Variants in SOAT2 observed in about 807,000 individuals in gnomAD.
SOAT2 encodes sterol O-acyltransferase 2.
SOAT2 carries 87 observed loss-of-function variants against 76.0 expected under a neutral mutation model. The observed-to-expected ratio is 1.14, with a 90% CI of 0.96 to 1.37. The LOEUF (loss-of-function observed/expected upper bound fraction) is 1.37, where lower values mean the gene tolerates loss of function less well. Among genes scored for constraint, SOAT2 ranks in the 40% most tolerant of loss-of-function variants. The pLI is 0.00. For synonymous variants in SOAT2, 285 were observed against 275.4 expected (o/e 1.03, Z -0.34); for missense variants, 686 against 682.1 (o/e 1.01, Z -0.06).
At chr12:53,103,763 T>G (rs1259999769) in intron 1 of SOAT2, 104 bp downstream of exon 1, 6 of 1,000,956 alleles carry the variant, frequency 6.0e-6, no homozygotes, top group Non-Finnish European at 8.6e-6. Context: ...CAATCCTTCC[T>G]GCTGTCCAGA....
chr12:53,111,961 A>G (rs1382135710), intron 5 of SOAT2, among the ~76,000 whole-genome samples: 1 of 152,230 alleles, frequency 6.6e-6, no homozygotes, highest in Non-Finnish European at 1.5e-5. Flanking sequence ...AGGCATGCCA[A>G]TAGAAGTACA....
chr12:53,118,470 C>CCAT, intron 8 of SOAT2, 36 bp downstream of exon 8: 1 of 1,516,398 alleles, frequency 6.6e-7, no homozygotes, highest in Non-Finnish European at 9.2e-7. Flanking sequence ...ATGCCCAGGC[C>CCAT]CATCAGGAAA....
In SOAT2 at chr12:53,124,469, A is replaced by G; in HGVS notation, c.*346A>G. 1 of 320,988 alleles carries G rather than the reference A, an allele frequency of 3.1e-6. No individual in the cohort carries two copies. Among genetic ancestry groups the G allele is most frequent in the East Asian group, 5.3e-5 (1 of 19,022 alleles). The allele number at this position is 320,988 out of a possible 1,614,324, so 19.9% of individuals were successfully genotyped here. A position where few individuals can be genotyped will look rare whatever the true frequency, so the allele number is the denominator to read the frequency against. ...GGAACTGGGGCCACCAAGGTTGGAA[A>G]AGGGTTTGGTTCTTGACTTTGTATT... On this transcript the variant is annotated 3_prime_UTR_variant, in exon 15 of 15. Transcript: ENST00000301466.
chr12:53,104,234 A>C, intron 2 of SOAT2, 28 bp downstream of exon 2: 1 of 1,571,946 alleles, frequency 6.4e-7, no homozygotes, highest in Non-Finnish European at 8.7e-7. Context: ...TCAGAGGTCA[A>C]GTGGACAGAT....
chr12:53,120,434 A>T lies in SOAT2; in HGVS notation c.1040-352A>T, dbSNP rs575473906. 5.3e-5 allele frequency among the ~76,000 whole-genome samples: 8 copies of T among 152,114 alleles called. No homozygotes were observed. The East Asian group carries it at 1.4e-3, about 26-fold the overall frequency. ...CAGTGAGCTGAGATCGTGCCACTGCACTCCAGACTGGGAGAGAGAGACTCC... is the reference window on the plus strand; with the variant it reads ...CAGTGAGCTGAGATCGTGCCACTGCTCTCCAGACTGGGAGAGAGAGACTCC... On this transcript the variant is annotated intron_variant, in intron 10 of 14. Transcript: ENST00000301466.
chr12:53,117,455 C>T (rs772999982), intron 7 of SOAT2, among the ~76,000 whole-genome samples: 8 of 151,850 alleles, frequency 5.3e-5, no homozygotes, highest in Non-Finnish European at 8.8e-5. Flanking sequence ...TCGAGGAGAA[C>T]AGAAGAGATG....
intron 10 of SOAT2, among the ~76,000 whole-genome samples, chr12:53,120,096 G>A (rs908866543): frequency 3.9e-5 from 6 of 152,192 alleles, no homozygotes; most frequent in African/African-American, 1.4e-4. Context: ...AACACTTTGG[G>A]AGGCCAAAGG....
intron 5 of SOAT2, among the ~76,000 whole-genome samples, chr12:53,112,344 T>C (rs530826815): frequency 2.6e-5 from 4 of 152,136 alleles, no homozygotes; most frequent in African/African-American, 9.6e-5. Flanking sequence ...GTTGGGAGTT[T>C]GAGACCAGCC....
intron 12 of SOAT2, among the ~76,000 whole-genome samples, chr12:53,121,744 A>G (rs1447650050): frequency 1.4e-5 from 2 of 142,014 alleles, no homozygotes; most frequent in South Asian, 4.6e-4. Context: ...AAATATGATT[A>G]TATCCTCATT....
chr12:53,104,099 C>T (rs375209899), intron 1 of SOAT2, 52 bp from the exon 2 acceptor site: 5 of 1,511,578 alleles, frequency 3.3e-6, no homozygotes, highest in Non-Finnish European at 4.6e-6. Context: ...GCCTCTGGGT[C>T]TGCAGAACCC....
intron 7 of SOAT2, 55 bp from the exon 8 acceptor site, chr12:53,118,295 C>A: frequency 9.0e-7 from 1 of 1,106,348 alleles, no homozygotes; most frequent in Non-Finnish European, 1.4e-6. Context: ...GCAGCCCCCT[C>A]ACCTCTGCCC....
chr12:53,122,206 C>CTTT (rs55672871), intron 12 of SOAT2, among the ~76,000 whole-genome samples: 5 of 111,122 alleles, frequency 4.5e-5, no homozygotes, highest in South Asian at 6.1e-4. Flanking sequence ...GGTGGGGGCT[C>CTTT]TTTTTTTTTT....
Position 53,104,211 on chromosome 12 carries a change from G to C in SOAT2, c.138+5G>C. 1.9e-6 allele frequency: 3 copies of C among 1,611,782 alleles called. No homozygotes were observed. The highest frequency in any genetic ancestry group is 2.5e-6 in the Non-Finnish European group (3 of 1,178,240). On this transcript the variant is annotated splice_donor_5th_base_variant and intron_variant, in intron 2 of 14. Transcript: ENST00000301466. ...CAATGGACCCGACACATGGAGGTGA[G>C]GGATGTCAGAGGTCAGAGGTCAAGT...
rs755256123 is a variant in SOAT2, at chr12:53,124,063, T to C, written c.1519-10T>C. 6.2e-6 allele frequency: 10 copies of C among 1,614,080 alleles called. No homozygotes were observed. The highest frequency in any genetic ancestry group is 8.5e-6 in the Non-Finnish European group (10 of 1,180,028). On this transcript the variant is annotated splice_polypyrimidine_tract_variant and intron_variant, in intron 14 of 14. Transcript: ENST00000301466. ...TGATCTCATTCACGACTTATTCTTCTCTGGCTCAGGCAACTTTCTGGGGGC... is the reference window on the plus strand; with the variant it reads ...TGATCTCATTCACGACTTATTCTTCCCTGGCTCAGGCAACTTTCTGGGGGC...
chr12:53,115,632 G>C lies in SOAT2; in HGVS notation c.686G>C (p.Arg229Pro). The change falls in exon 6 of 15, where the codon CGT becomes CCT. Residue 229 changes from arginine to proline, a missense_variant. Transcript: ENST00000301466. ...GAGCATCAGCTCCCGCCGGCCTCCC[G>C]TTGTGTCCTGGTCTTCGAGCAGGTG... ...AVEHQLPPAS[R>P]CVLVFEQVRF... The C allele has an allele frequency of 6.5e-7, 1 of 1,549,780 alleles. No homozygotes were observed. Among genetic ancestry groups the C allele is most frequent in the South Asian group, 1.2e-5 (1 of 84,528 alleles).
intron 5 of SOAT2, among the ~76,000 whole-genome samples, chr12:53,109,023 G>A (rs1937975134): frequency 6.6e-6 from 1 of 152,176 alleles, no homozygotes; most frequent in Non-Finnish European, 1.5e-5. Flanking sequence ...TGGATCACGA[G>A]GTCAGGAGTT....
Position 53,115,575 on chromosome 12 carries a change from T to G in SOAT2, c.629T>G (p.Val210Gly). ...GCALLAAHAV[V>G]LCALPVHVAV... ...GCGCTGCTAGCCGCCCACGCCGTGG[T>G]GCTCTGCGCGCTGCCGGTCCACGTG... Residue 210 changes from valine to glycine, a missense_variant, in exon 6 of 15, where the codon GTG becomes GGG. Coordinates refer to ENST00000301466, the MANE Select transcript of SOAT2 (RefSeq NM_003578.4). 6.3e-7 allele frequency: 1 copy of G among 1,586,064 alleles called. No individual in the cohort carries two copies. Among genetic ancestry groups the G allele is most frequent in the Non-Finnish European group, 8.5e-7 (1 of 1,172,442 alleles).
intron 5 of SOAT2, among the ~76,000 whole-genome samples, chr12:53,107,164 A>G (rs11170418): frequency 0.19 from 28,267 of 151,922 alleles, 3,317 homozygotes; most frequent in African/African-American, 0.34. Context: ...TTTATCATGC[A>G]TGGATATTTA....
intron 12 of SOAT2, among the ~76,000 whole-genome samples, chr12:53,122,808 T>C (rs1340635208): frequency 2.6e-5 from 4 of 152,220 alleles, no homozygotes; most frequent in Admixed American, 1.3e-4. Context: ...TCCACAAAAC[T>C]GCCATTGTCA....
Sources: allele counts gnomAD v4.1 joint callset (sites outside exome capture counted in the v4.1 genomes callset), GRCh38; gene constraint gnomAD v4.1.1; transcripts MANE v1.5; gene names NCBI Gene and HGNC (gene_info 2026-07-23, HGNC 2026-07-21).